The following PAIP2B variants were observed in gnomAD, a reference collection of about 807,000 sequenced individuals.
PAIP2B encodes the protein polyadenylate-binding protein-interacting protein 2B.
A neutral mutation model predicts 17.0 loss-of-function variants in PAIP2B; 13 were observed. The observed-to-expected ratio is 0.76, with a 90% CI of 0.50 to 1.22. The LOEUF (loss-of-function observed/expected upper bound fraction) is 1.22. Among genes scored for constraint, PAIP2B ranks in the 50% most tolerant of loss-of-function variants. The pLI is 0.00. For synonymous variants in PAIP2B, 43 were observed against 48.7 expected, an observed-to-expected ratio of 0.88 and a Z score of 0.48; for missense variants, 117 against 144.5, an observed-to-expected ratio of 0.81 and a Z score of 0.98.
At chr2:71,220,798 T>C in intron 1 of PAIP2B, among the ~76,000 whole-genome samples, 1 of 152,204 alleles carries the variant, frequency 6.6e-6, no homozygotes. Context: ...CCAGCTTCAT[T>C]TGAGAAATCT....
rs1180972385 is a variant in PAIP2B at position 71,188,380 on chromosome 2, A to G, written c.*99T>C. The G allele has an allele frequency of 2.1e-6, 2 of 946,228 alleles. No individual in the cohort carries two copies. The highest frequency in any genetic ancestry group is 3.3e-6 in the Non-Finnish European group (2 of 607,106). The allele number at this position is 946,228 out of a possible 1,614,324, so 58.6% of individuals were successfully genotyped here. ...ACCACCACTCCCCTTCCCGCTGTGC[A>G]CCCCTCGCCCGCCCCATCCCCCTCT... is the stretch of plus-strand genomic sequence containing the variant. On this transcript the variant is annotated 3_prime_UTR_variant, in exon 4 of 4. Coordinates refer to ENST00000244221, the MANE Select transcript of PAIP2B (RefSeq NM_020459.1).
chr2:71,215,955 G>C (rs1409592619), intron 1 of PAIP2B, among the ~76,000 whole-genome samples: 1 of 152,044 alleles, frequency 6.6e-6, no homozygotes, highest in Non-Finnish European at 1.5e-5. Flanking sequence ...TCTTCAAATG[G>C]AGTACAAGAA....
At chr2:71,190,136 T>G in intron 2 of PAIP2B, 115 bp from the exon 3 acceptor site, 1 of 1,067,908 alleles carries the variant, frequency 9.4e-7, no homozygotes, top group Non-Finnish European at 1.3e-6. Context: ...AGAATGATCT[T>G]GAGCTGGGTG....
In PAIP2B at chr2:71,190,214, G is replaced by A. The variant is rs1674652440; in HGVS notation, c.139-193C>T. Among the ~76,000 whole-genome samples the A allele has an allele frequency of 2.6e-5, 4 of 152,086 alleles. No individual in the cohort carries two copies. The South Asian group carries it at 8.3e-4, about 31-fold the overall frequency. Reference sequence around the variant, plus strand: ...GCAGGAGGATTGCTTGAGGCCAGGAGGTTTGAGACCAGCCTGAGCAACATA... The same window carrying A: ...GCAGGAGGATTGCTTGAGGCCAGGAAGTTTGAGACCAGCCTGAGCAACATA... On this transcript the variant is annotated intron_variant, in intron 2 of 3. Coordinates refer to ENST00000244221, the MANE Select transcript of PAIP2B (RefSeq NM_020459.1).
At chr2:71,226,071 A>T (rs1358727187) in intron 1 of PAIP2B, among the ~76,000 whole-genome samples, 2 of 152,246 alleles carry the variant, frequency 1.3e-5, no homozygotes, top group African/African-American at 4.8e-5. Flanking sequence ...GCTTCTAGTT[A>T]GCCCTTTTCA....
intron 1 of PAIP2B, among the ~76,000 whole-genome samples, chr2:71,219,120 C>T (rs1329772585): frequency 2.9e-5 from 4 of 136,746 alleles, no homozygotes; most frequent in African/African-American, 1.1e-4. Context: ...TTAGTAGAGA[C>T]GGGGTTTCAC....
intron 2 of PAIP2B, among the ~76,000 whole-genome samples, chr2:71,193,941 GC>G (rs1674751611): frequency 6.6e-6 from 1 of 152,106 alleles, no homozygotes; most frequent in Non-Finnish European, 1.5e-5. Flanking sequence ...TCTGCATATG[GC>G]TAGCCGGTTA....
At chr2:71,223,768 GATAA>G (rs1210594681) in intron 1 of PAIP2B, among the ~76,000 whole-genome samples, 3 of 152,114 alleles carry the variant, frequency 2.0e-5, no homozygotes, top group African/African-American at 7.2e-5. Context: ...CTTAATATAT[GATAA>G]ATGAACAAAC....
At chr2:71,200,276 G>C (rs1674945493) in intron 2 of PAIP2B, among the ~76,000 whole-genome samples, 2 of 151,622 alleles carry the variant, frequency 1.3e-5, no homozygotes, top group Non-Finnish European at 2.9e-5. Flanking sequence ...TGGAATGGGG[G>C]TTGGCAGTGG....
chr2:71,210,253 G>GA (rs1328071779), intron 1 of PAIP2B, among the ~76,000 whole-genome samples: 1 of 151,916 alleles, frequency 6.6e-6, no homozygotes, highest in African/African-American at 2.4e-5. Context: ...AGGATCAAAG[G>GA]AAAAAAAGAG....
At chr2:71,202,316 GC>G (rs1028685255) in intron 2 of PAIP2B, 135 bp downstream of exon 2, 3 of 1,083,104 alleles carry the variant, frequency 2.8e-6, no homozygotes, top group Admixed American at 2.7e-5. Flanking sequence ...TCCAGATGAG[GC>G]CCCCCACCAA....
intron 1 of PAIP2B, among the ~76,000 whole-genome samples, chr2:71,211,899 G>A (rs750907429): frequency 1.3e-5 from 2 of 152,200 alleles, no homozygotes; most frequent in Non-Finnish European, 2.9e-5. Flanking sequence ...TCAGTGGCAA[G>A]ATCTCTAGAC....
intron 2 of PAIP2B, among the ~76,000 whole-genome samples, chr2:71,199,872 G>GTA (rs1324232571): frequency 1.3e-5 from 2 of 152,284 alleles, no homozygotes; most frequent in Non-Finnish European, 2.9e-5. Flanking sequence ...AAAAAGTTTT[G>GTA]TATGTGTGTG....
Position 71,186,641 on chromosome 2 carries a change from G to T in PAIP2B, c.*1838C>A, listed in dbSNP as rs357781. 3 of 152,130 alleles carry T rather than the reference G, an allele frequency of 2.0e-5. No individual in the cohort carries two copies. Among genetic ancestry groups the T allele is most frequent in the African/African-American group, 4.8e-5 (2 of 41,428 alleles). The allele number at this position is 152,130 out of a possible 1,614,324, so 9.4% of individuals were successfully genotyped here. On this transcript the variant is annotated 3_prime_UTR_variant, in exon 4 of 4. Transcript: ENST00000244221. ...CTTGCAATGCCCTTTCCCTTTTAGA[G>T]GAAACAACCCAGCTGAAAGCTGAAG...
intron 2 of PAIP2B, among the ~76,000 whole-genome samples, chr2:71,194,474 T>TGG (rs1674765840): frequency 6.6e-6 from 1 of 151,532 alleles, no homozygotes; most frequent in Admixed American, 6.6e-5. Flanking sequence ...TGTGTGTGTG[T>TGG]GTGTGTGTGT....
At chr2:71,192,342 G>GC (rs1674707799) in intron 2 of PAIP2B, among the ~76,000 whole-genome samples, 1 of 150,762 alleles carries the variant, frequency 6.6e-6, no homozygotes, top group Admixed American at 6.6e-5. Context: ...TTTATCAACA[G>GC]CATGTGCTCA....
At chr2:71,226,787 C>A (rs920394117) in intron 1 of PAIP2B, 141 bp downstream of exon 1, 1 of 152,334 alleles carries the variant, frequency 6.6e-6, no homozygotes, top group Admixed American at 6.5e-5. Context: ...CGCTTTCCCT[C>A]CCTACAGGAG....
intron 3 of PAIP2B, among the ~76,000 whole-genome samples, chr2:71,188,778 C>A (rs958123164): frequency 6.6e-6 from 1 of 152,140 alleles, no homozygotes; most frequent in African/African-American, 2.4e-5. Context: ...CATCAGAGGC[C>A]TGTAAGTTCA....
At chr2:71,224,548 G>A (rs961866153) in intron 1 of PAIP2B, among the ~76,000 whole-genome samples, 1 of 152,170 alleles carries the variant, frequency 6.6e-6, no homozygotes, top group Non-Finnish European at 1.5e-5. Context: ...CACATAAGGT[G>A]TGGAAAAGGC....
Sources: allele counts gnomAD v4.1 joint callset (sites outside exome capture counted in the v4.1 genomes callset), GRCh38; gene constraint gnomAD v4.1.1; transcripts MANE v1.5; gene names NCBI Gene and HGNC (gene_info 2026-07-23, HGNC 2026-07-21).